Variants in SHANK2 observed in about 807,000 individuals in gnomAD.
SHANK2 encodes SH3 and multiple ankyrin repeat domains protein 2.
A neutral mutation model predicts 133.7 loss-of-function variants in SHANK2; 43 were observed. That is an observed-to-expected ratio of 0.32 (90% CI 0.25 to 0.41). SHANK2 has a LOEUF of 0.41. Ranked by LOEUF, SHANK2 falls within the 10% of genes least tolerant of loss-of-function variation. SHANK2 has a pLI of 1.00. For missense variants in SHANK2, 1,994 were observed against 2,235.8 expected (o/e 0.89, Z 2.18); for synonymous variants, 1,017 against 952.8 (o/e 1.07, Z -1.24).
At chr11:70,628,768 C>A (rs1008061599) in intron 17 of SHANK2, among the ~76,000 whole-genome samples, 1 of 152,212 alleles carries the variant, frequency 6.6e-6, no homozygotes, top group Non-Finnish European at 1.5e-5. Flanking sequence ...TTTCGGCCCA[C>A]CTGCCCTCCC....
intron 10 of SHANK2, among the ~76,000 whole-genome samples, chr11:70,905,811 T>G (rs3020094): frequency 0.96 from 132,913 of 137,922 alleles, 63,992 homozygotes; most frequent in South Asian, 0.98. Flanking sequence ...ATGTTTTTTT[T>G]TTTTTTTTTT....
intron 11 of SHANK2, among the ~76,000 whole-genome samples, chr11:70,844,528 C>T (rs1270143693): frequency 3.3e-5 from 5 of 152,218 alleles, no homozygotes; most frequent in African/African-American, 4.8e-5. Flanking sequence ...ACAGGCTCCA[C>T]GCCGGGCACT....
At chr11:70,851,862 T>C (rs1322173281) in intron 11 of SHANK2, among the ~76,000 whole-genome samples, 1 of 152,176 alleles carries the variant, frequency 6.6e-6, no homozygotes, top group Non-Finnish European at 1.5e-5. Flanking sequence ...CCTGAGTGGA[T>C]GCAAAAGTCA....
intron 11 of SHANK2, among the ~76,000 whole-genome samples, chr11:70,831,921 C>G (rs945666069): frequency 2.0e-5 from 3 of 152,194 alleles, no homozygotes. Flanking sequence ...AGCCATGGGC[C>G]GGTTGGACAC....
intron 14 of SHANK2, among the ~76,000 whole-genome samples, chr11:70,797,602 T>C (rs1947940897): frequency 6.6e-6 from 1 of 152,134 alleles, no homozygotes; most frequent in Admixed American, 6.5e-5. Context: ...GGCTACCTAG[T>C]GAGCCCACAG....
intron 11 of SHANK2, among the ~76,000 whole-genome samples, chr11:70,823,605 C>A (rs1175203084): frequency 2.1e-5 from 1 of 46,688 alleles, no homozygotes; most frequent in Non-Finnish European, 4.2e-5. Flanking sequence ...GCAGCGTTCA[C>A]GGGGGACAGA....
intron 2 of SHANK2, among the ~76,000 whole-genome samples, chr11:71,192,036 T>C (rs186681475): frequency 8.0e-4 from 122 of 152,088 alleles, no homozygotes; most frequent in African/African-American, 2.8e-3. Flanking sequence ...AATTTTTGTA[T>C]TTTTAGTAGA....
At chr11:71,241,376 G>T (rs1954889507) in intron 1 of SHANK2, among the ~76,000 whole-genome samples, 1 of 152,054 alleles carries the variant, frequency 6.6e-6, no homozygotes, top group African/African-American at 2.4e-5. Context: ...CTTCCAGCGA[G>T]CGGGAAGTGC....
At chr11:70,877,834 G>A (rs1436307830) in intron 11 of SHANK2, among the ~76,000 whole-genome samples, 1 of 152,236 alleles carries the variant, frequency 6.6e-6, no homozygotes, top group Non-Finnish European at 1.5e-5. Context: ...ATTCCCTGCG[G>A]AGAAAGTGGC....
chr11:70,823,521 G>A (rs1948584854), intron 11 of SHANK2, among the ~76,000 whole-genome samples: 1 of 145,342 alleles, frequency 6.9e-6, no homozygotes, highest in Non-Finnish European at 1.5e-5. Context: ...ATGAGGGACA[G>A]AGGTGGCGCT....
intron 14 of SHANK2, among the ~76,000 whole-genome samples, chr11:70,798,228 AG>A (rs1160299481): frequency 3.9e-5 from 6 of 152,188 alleles, no homozygotes; most frequent in African/African-American, 1.4e-4. Context: ...TTTAACTAAA[AG>A]CTTCCACACC....
intron 8 of SHANK2, among the ~76,000 whole-genome samples, chr11:71,082,708 C>G (rs1485210774): frequency 6.6e-6 from 1 of 152,192 alleles, no homozygotes; most frequent in Non-Finnish European, 1.5e-5. Flanking sequence ...GGCATCCGGC[C>G]AGGGATGGGC....
At chr11:71,101,089 T>C (rs1951709723) in intron 6 of SHANK2, among the ~76,000 whole-genome samples, 2 of 152,132 alleles carry the variant, frequency 1.3e-5, no homozygotes, top group African/African-American at 2.4e-5. Flanking sequence ...ACTTCAGTTA[T>C]TGCAACAAAT....
At chr11:70,609,451 T>A (rs1238195094) in intron 17 of SHANK2, among the ~76,000 whole-genome samples, 1 of 152,114 alleles carries the variant, frequency 6.6e-6, no homozygotes, top group Non-Finnish European at 1.5e-5. Context: ...CCAACCACCA[T>A]GTGACCCAGT....
intron 17 of SHANK2, among the ~76,000 whole-genome samples, chr11:70,563,539 CTTTTTT>C (rs35931621): frequency 1.5e-5 from 2 of 135,442 alleles, no homozygotes; most frequent in African/African-American, 5.5e-5. Context: ...TCTGTGGTCA[CTTTTTT>C]TTTTTTTTTT....
chr11:70,774,290 G>A (rs1469497710), intron 14 of SHANK2, among the ~76,000 whole-genome samples: 1 of 152,006 alleles, frequency 6.6e-6, no homozygotes, highest in Non-Finnish European at 1.5e-5. Context: ...ATGGTTGCCA[G>A]GGCTCCGGTA....
intron 12 of SHANK2, among the ~76,000 whole-genome samples, chr11:70,818,196 A>G (rs2135332475): frequency 6.6e-6 from 1 of 152,310 alleles, no homozygotes; most frequent in Non-Finnish European, 1.5e-5. Flanking sequence ...ACACATACAC[A>G]ATGATTCTCT....
At chr11:71,067,961 A>G (rs1183814265) in intron 9 of SHANK2, among the ~76,000 whole-genome samples, 4 of 151,696 alleles carry the variant, frequency 2.6e-5, no homozygotes, top group African/African-American at 9.7e-5. Context: ...CACTGTCACC[A>G]CCATCCTCAC....
At chr11:71,208,472 G>T (rs1555118365) in intron 2 of SHANK2, among the ~76,000 whole-genome samples, 1 of 152,116 alleles carries the variant, frequency 6.6e-6, no homozygotes, top group Non-Finnish European at 1.5e-5. Flanking sequence ...AGCTCCAGGG[G>T]ACATTACGTT....
Sources: gnomAD v4.1 joint callset for allele counts (sites outside exome capture counted in the v4.1 genomes callset) on GRCh38, gnomAD v4.1.1 for gene constraint, MANE v1.5 for transcripts, NCBI Gene and HGNC (gene_info 2026-07-23, HGNC 2026-07-21) for gene names.